The following CELF5 variants were observed in gnomAD, a reference collection of about 807,000 sequenced individuals.
CELF5 encodes CUGBP Elav-like family member 5.
Under a neutral mutation model 54.9 loss-of-function variants are expected in CELF5, and 6 were observed. That is an observed-to-expected ratio of 0.11 (90% confidence interval 0.06 to 0.22). The LOEUF is 0.22. Ranked by LOEUF, CELF5 falls within the 10% of genes least tolerant of loss-of-function variation. The pLI, the probability that CELF5 is intolerant of heterozygous loss-of-function variation, is 1.00. For missense variants in CELF5, 401 were observed against 678.6 expected, an observed-to-expected ratio of 0.59 and a Z score of 4.54; for synonymous variants, 271 against 290.9, an observed-to-expected ratio of 0.93 and a Z score of 0.70.
At chr19:3,273,407 G>A (rs913340142) in intron 2 of CELF5, among the ~76,000 whole-genome samples, 1 of 151,914 alleles carries the variant, frequency 6.6e-6, no homozygotes, top group Non-Finnish European at 1.5e-5. Flanking sequence ...TATCCACCTG[G>A]CAGTCTCAGA....
At position 3,228,689 on chromosome 19, in the gene CELF5, G is replaced by A. The variant is rs1166801104; in HGVS notation, c.259+3691G>A. 1.3e-5 allele frequency among the ~76,000 whole-genome samples: 2 copies of A among 151,640 alleles called. No individual in the cohort carries two copies. Among genetic ancestry groups the A allele is most frequent in the African/African-American group, 2.4e-5 (1 of 41,290 alleles). On this transcript the variant is annotated intron_variant, in intron 1 of 12. Coordinates refer to ENST00000292672, the MANE Select transcript of CELF5 (RefSeq NM_021938.4). This position sits in a 1 kb window ranked among gnomAD's most constrained non-coding sequence, Gnocchi z 6.0. The stretch of plus-strand genomic sequence containing the variant: ...GGAGCACCAGCTGCCGGCTCGACTC[G>A]GGAGGGGGGGAGGAGGAGGCTGTAG...
At chr19:3,248,853 T>TCTTTCTTCCTTC (rs1474805668) in intron 1 of CELF5, among the ~76,000 whole-genome samples, 15 of 118,826 alleles carry the variant, frequency 1.3e-4, no homozygotes, top group Non-Finnish European at 1.6e-4. Flanking sequence ...TTTCTTTCTT[T>TCTTTCTTCCTTC]CTTCCTTCCT....
At chr19:3,233,428 T>G (rs1917365040) in intron 1 of CELF5, among the ~76,000 whole-genome samples, 1 of 152,132 alleles carries the variant, frequency 6.6e-6, no homozygotes, top group African/African-American at 2.4e-5. Context: ...AGGTGTGAGG[T>G]GAGCTGCTGT....
intron 2 of CELF5, among the ~76,000 whole-genome samples, chr19:3,266,698 G>A (rs1464150583): frequency 1.3e-5 from 2 of 152,238 alleles, no homozygotes; most frequent in Admixed American, 1.3e-4. Flanking sequence ...CCACCTGCTT[G>A]GCAAAGGTGA....
At chr19:3,267,117 G>A (rs181133157) in intron 2 of CELF5, among the ~76,000 whole-genome samples, 3 of 151,524 alleles carry the variant, frequency 2.0e-5, no homozygotes, top group Non-Finnish European at 4.4e-5. Context: ...GCGTGTGCGT[G>A]TGTGTTGGGG....
chr19:3,293,017 G>A (rs865802120), intron 11 of CELF5, among the ~76,000 whole-genome samples: 2 of 152,194 alleles, frequency 1.3e-5, no homozygotes, highest in South Asian at 2.1e-4. Flanking sequence ...GGAAGGTGGG[G>A]AAAAGGTGGC....
chr19:3,291,567 G>A (rs2080347447), intron 11 of CELF5, among the ~76,000 whole-genome samples: 1 of 77,018 alleles, frequency 1.3e-5, no homozygotes, highest in African/African-American at 4.3e-5. Context: ...GCAAGACTCC[G>A]ACTCAAAAAA....
chr19:3,258,490 C>A (rs920817960), intron 2 of CELF5, among the ~76,000 whole-genome samples: 2 of 152,114 alleles, frequency 1.3e-5, no homozygotes, highest in African/African-American at 4.8e-5. Context: ...CAGCCTACAT[C>A]CAGGATAATT....
intron 1 of CELF5, among the ~76,000 whole-genome samples, chr19:3,250,710 G>A (rs889330748): frequency 7.2e-5 from 11 of 152,124 alleles, no homozygotes; most frequent in Admixed American, 5.9e-4. Context: ...GGACCTCCTA[G>A]GAGTGGAATC....
In CELF5 at chr19:3,279,560, A is replaced by G. The variant is rs147079866; in HGVS notation, c.603+1450A>G. Among the ~76,000 whole-genome samples the G allele has an allele frequency of 3.8e-3, 577 of 152,166 alleles. 5 individuals are homozygous for G. Among genetic ancestry groups the G allele is most frequent in the African/African-American group, 0.013 (540 of 41,516 alleles). ...AGGAGGCATGTCAGCGAAGACAGGG[A>G]GGCAACAGGGTGCATCCTGTGGGAG... On this transcript the variant is annotated intron_variant, in intron 5 of 12. Transcript: ENST00000292672.
intron 1 of CELF5, among the ~76,000 whole-genome samples, chr19:3,226,405 C>T (rs573098826): frequency 3.0e-4 from 45 of 149,818 alleles, no homozygotes; most frequent in Middle Eastern, 6.9e-3. Flanking sequence ...GAAAGAAACC[C>T]CTCCCCATTC....
rs1244880590 is a variant in CELF5, at chr19:3,275,790, G to A, written c.395-66G>A. On this transcript the variant is annotated intron_variant, in intron 3 of 12. Coordinates refer to ENST00000292672, the MANE Select transcript of CELF5 (RefSeq NM_021938.4). The surrounding 1 kb of genome is among the most constrained non-coding windows in gnomAD (Gnocchi z 6.7). ...TGCCGCCTCCACTCTGCTGGAGGGA[G>A]GGAGGAATCCCGGAGGCCCTCCCGG... The A allele has an allele frequency of 1.9e-6, 3 of 1,542,040 alleles. No individual in the cohort carries two copies. The highest frequency in any genetic ancestry group is 2.6e-6 in the Non-Finnish European group (3 of 1,137,582).
At position 3,282,230 on chromosome 19, in the gene CELF5, C is replaced by A. The variant is rs751655587; in HGVS notation, c.855C>A (p.Leu285=). 6.8e-6 allele frequency: 11 copies of A among 1,613,310 alleles called. No homozygotes were observed. The East Asian group carries it at 2.2e-4, about 33-fold the overall frequency. Residue 285 remains leucine (L), a synonymous_variant, in exon 7 of 13, where the codon CTC becomes CTA. Coordinates refer to ENST00000292672, the MANE Select transcript of CELF5 (RefSeq NM_021938.4). The surrounding 1 kb of genome is among the most constrained non-coding windows in gnomAD (Gnocchi z 5.2). ...CHIQQIGAVS[L]NGLPATPIAP... is the part of the protein sequence containing the mutation. ...TCCAGCAGATAGGCGCCGTCAGCCT[C>A]AACGGGCTGCCTGCCACACCCATCG...
intron 1 of CELF5, among the ~76,000 whole-genome samples, chr19:3,249,725 T>C (rs1480208593): frequency 2.6e-5 from 4 of 152,140 alleles, no homozygotes; most frequent in African/African-American, 9.7e-5. Flanking sequence ...CTGGTCCAAC[T>C]TGTGGTCCTC....
In CELF5 at chr19:3,282,518, T is replaced by G; in HGVS notation, c.1039+20T>G. Reference sequence around the variant, plus strand: ...ACCCAGGTAAATTGGGGTCGTCCTCTGGGGCCTAGGAGAGTGGTGGGGAAT... The same window carrying G: ...ACCCAGGTAAATTGGGGTCGTCCTCGGGGGCCTAGGAGAGTGGTGGGGAAT... On this transcript the variant is annotated intron_variant, in intron 8 of 12. Transcript: ENST00000292672. This position sits in a 1 kb window ranked among gnomAD's most constrained non-coding sequence, Gnocchi z 5.2. 6.2e-7 allele frequency: 1 copy of G among 1,606,088 alleles called. No individual in the cohort carries two copies. Among genetic ancestry groups the G allele is most frequent in the Non-Finnish European group, 8.5e-7 (1 of 1,176,342 alleles).
chr19:3,290,513 A>C (rs2080325914), intron 11 of CELF5, 139 bp downstream of exon 11: 1 of 864,806 alleles, frequency 1.2e-6, no homozygotes, highest in Non-Finnish European at 1.8e-6. Context: ...GGCCGGGCAC[A>C]GTGGATCACG....
chr19:3,290,594 C>T (rs551014589), intron 11 of CELF5, among the ~76,000 whole-genome samples: 5 of 146,428 alleles, frequency 3.4e-5, no homozygotes, highest in African/African-American at 7.5e-5. Flanking sequence ...GACAGAGTCT[C>T]GCTCTGTCGC....
intron 2 of CELF5, among the ~76,000 whole-genome samples, chr19:3,257,313 G>A (rs1366628857): frequency 6.6e-6 from 1 of 152,148 alleles, no homozygotes; most frequent in African/African-American, 2.4e-5. Flanking sequence ...GTGACGGGGA[G>A]TGAGGGGGAG....
At chr19:3,277,291 T>C (rs1031067867) in intron 4 of CELF5, among the ~76,000 whole-genome samples, 15 of 151,700 alleles carry the variant, frequency 9.9e-5, no homozygotes, top group Non-Finnish European at 4.4e-5. Flanking sequence ...CTGGCCAAGA[T>C]GGTGAAACCC....
Sources: gnomAD v4.1 joint callset for allele counts (sites outside exome capture counted in the v4.1 genomes callset) on GRCh38, gnomAD v4.1.1 for gene constraint, Gnocchi (gnomAD v3.1) non-coding constraint, MANE v1.5 for transcripts, NCBI Gene and HGNC (gene_info 2026-07-23, HGNC 2026-07-21) for gene names.